PPP6R3: variants seen among roughly 807,000 people sequenced by gnomAD.
PPP6R3 encodes the protein serine/threonine-protein phosphatase 6 regulatory subunit 3.
PPP6R3 carries 38 observed loss-of-function variants against 110.7 expected under a neutral mutation model. The observed-to-expected ratio is 0.34, with a 90% CI of 0.26 to 0.45. The LOEUF (loss-of-function observed/expected upper bound fraction) is 0.45. Among genes scored for constraint, PPP6R3 ranks in the 20% least tolerant of loss-of-function variants. The probability of loss-of-function intolerance (pLI) is 1.00; values close to 1 mark genes in which losing one functional copy is unlikely to be tolerated. For missense variants in PPP6R3, 870 were observed against 1,062.4 expected, an observed-to-expected ratio of 0.82 and a Z score of 2.52; for synonymous variants, 369 against 373.5, an observed-to-expected ratio of 0.99 and a Z score of 0.14.
At chr11:68,509,874 C>T (rs192074913) in intron 1 of PPP6R3, among the ~76,000 whole-genome samples, 20 of 150,982 alleles carry the variant, frequency 1.3e-4, no homozygotes, top group African/African-American at 3.9e-4. Context: ...CTCTGCCTCC[C>T]GAGTAGCTGG....
chr11:68,542,911 C>G (rs1347742757), intron 3 of PPP6R3, among the ~76,000 whole-genome samples: 2 of 152,180 alleles, frequency 1.3e-5, no homozygotes, highest in African/African-American at 4.8e-5. Context: ...GCATTTGATT[C>G]ACAGCCAGGA....
chr11:68,528,881 C>T (rs889304498), intron 2 of PPP6R3, among the ~76,000 whole-genome samples: 4 of 152,176 alleles, frequency 2.6e-5, no homozygotes, highest in Non-Finnish European at 5.9e-5. Flanking sequence ...AAGTCCTCAG[C>T]CTCCAGGTGT....
chr11:68,588,775 T>C (rs935946321), intron 16 of PPP6R3, among the ~76,000 whole-genome samples: 2 of 142,152 alleles, frequency 1.4e-5, no homozygotes, highest in African/African-American at 2.6e-5. Context: ...AAAAAAAAAA[T>C]CACTGCAAGG....
chr11:68,463,649 A>C (rs1191390429), intron 1 of PPP6R3, among the ~76,000 whole-genome samples: 3 of 152,192 alleles, frequency 2.0e-5, no homozygotes, highest in Non-Finnish European at 2.9e-5. Flanking sequence ...CTTGGTCCTT[A>C]GAAGTTATGG....
At chr11:68,524,553 T>C (rs1036684359) in intron 2 of PPP6R3, among the ~76,000 whole-genome samples, 4 of 152,220 alleles carry the variant, frequency 2.6e-5, no homozygotes, top group Admixed American at 2.0e-4. Flanking sequence ...TATTAGAACT[T>C]TCTATTGGAC....
intron 1 of PPP6R3, 29 bp from the exon 2 acceptor site, chr11:68,519,472 G>A: frequency 2.5e-6 from 1 of 396,308 alleles, no homozygotes; most frequent in South Asian, 1.3e-4. Flanking sequence ...GAACATATGT[G>A]ATTATCTGCT....
At chr11:68,552,710 G>C (rs940656660) in intron 6 of PPP6R3, among the ~76,000 whole-genome samples, 1 of 152,194 alleles carries the variant, frequency 6.6e-6, no homozygotes, top group Admixed American at 6.5e-5. Context: ...GGCCTGCCCC[G>C]TTGACAGGGA....
At chr11:68,570,987 A>C in intron 11 of PPP6R3, 53 bp from the exon 12 acceptor site, 1 of 1,559,364 alleles carries the variant, frequency 6.4e-7, no homozygotes, top group Non-Finnish European at 8.6e-7. Context: ...GTTTCACTTT[A>C]AAGTTTTGAT....
chr11:68,596,313 A>G (rs1270891581), intron 19 of PPP6R3, 95 bp downstream of exon 19: 10 of 1,526,896 alleles, frequency 6.5e-6, no homozygotes, highest in Non-Finnish European at 9.0e-6. Context: ...CTGAGATGAT[A>G]TCTGAAGGAA....
At position 68,562,707 on chromosome 11, in the gene PPP6R3, T is replaced by A. The variant is rs1008903107; in HGVS notation, c.846-1596T>A. Among the ~76,000 whole-genome samples, 5 of 152,328 alleles carry A rather than the reference T, an allele frequency of 3.3e-5. No individual in the cohort carries two copies. The South Asian group carries it at 1.0e-3, about 32-fold the overall frequency. ...TCGTCCTGAATGGTTAGGTATTCTA[T>A]GCAGAACGTTGGACTTTGATATATA... On this transcript the variant is annotated intron_variant, in intron 8 of 23. Coordinates refer to ENST00000393800, the MANE Select transcript of PPP6R3 (RefSeq NM_001164161.2).
intron 14 of PPP6R3, among the ~76,000 whole-genome samples, chr11:68,579,642 A>C (rs2099545207): frequency 6.6e-6 from 1 of 152,252 alleles, no homozygotes; most frequent in Non-Finnish European, 1.5e-5. Flanking sequence ...AATGAGTAAG[A>C]GACACGTGTG....
chr11:68,614,032 G>C lies in PPP6R3; in HGVS notation c.*915G>C. On this transcript the variant is annotated 3_prime_UTR_variant, in exon 24 of 24. Coordinates refer to ENST00000393800, the MANE Select transcript of PPP6R3 (RefSeq NM_001164161.2). ...ACCAATGAACATTTCAGAGCAATCT[G>C]CATATTTAACAGACCTAAAATAAAT... The C allele has an allele frequency of 1.0e-6, 1 of 985,040 alleles. No homozygotes were observed. The highest frequency in any genetic ancestry group is 4.7e-5 in the South Asian group (1 of 21,274). The allele number at this position is 985,040 out of a possible 1,614,324, so 61.0% of individuals were successfully genotyped here.
In PPP6R3 at chr11:68,613,544, AC is replaced by A; in HGVS notation, c.*428del. 1 of 986,770 alleles carries A rather than the reference AC, an allele frequency of 1.0e-6. No individual in the cohort carries two copies. The highest frequency in any genetic ancestry group is 1.1e-4 in the East Asian group (1 of 8,852). 61.1% of individuals were successfully genotyped at this position (986,770 alleles called of 1,614,324 possible). Reference sequence around the variant, plus strand: ...GGTTTTCATACATTTTTCACCTTGTACAAAATTATGAATTCATTTTTCCTCC... The same window carrying A: ...GGTTTTCATACATTTTTCACCTTGTAAAAATTATGAATTCATTTTTCCTCC... On this transcript the variant is annotated 3_prime_UTR_variant, in exon 24 of 24. Transcript: ENST00000393800.
chr11:68,612,218 C>T (rs1042706622), intron 23 of PPP6R3, among the ~76,000 whole-genome samples: 3 of 152,176 alleles, frequency 2.0e-5, no homozygotes, highest in African/African-American at 7.2e-5. Context: ...GTCTCTCATA[C>T]ACGGAGCCAC....
intron 2 of PPP6R3, among the ~76,000 whole-genome samples, chr11:68,532,543 T>A (rs1461789639): frequency 6.6e-6 from 1 of 152,230 alleles, no homozygotes; most frequent in Admixed American, 6.5e-5. Context: ...TTGGAAGAAA[T>A]TATCCCTAAT....
intron 18 of PPP6R3, among the ~76,000 whole-genome samples, chr11:68,594,402 A>G (rs972552641): frequency 1.3e-4 from 20 of 151,570 alleles, no homozygotes; most frequent in African/African-American, 4.3e-4. Context: ...CATGCCTACA[A>G]TCCCAGCACT....
rs1025279501 is a variant in PPP6R3 at position 68,558,381 on chromosome 11, C to T, written c.732-185C>T. ...GAGTGAGTGTGTTTGTGTGCGGGTGCATGTGTGTAATTTATAAATAGGATC... is the reference window on the plus strand; with the variant it reads ...GAGTGAGTGTGTTTGTGTGCGGGTGTATGTGTGTAATTTATAAATAGGATC... On this transcript the variant is annotated intron_variant, in intron 7 of 23. Coordinates refer to ENST00000393800, the MANE Select transcript of PPP6R3 (RefSeq NM_001164161.2). 1.2e-5 allele frequency: 5 copies of T among 423,616 alleles called. No homozygotes were observed. The East Asian group carries it at 1.8e-4, about 15-fold the overall frequency. 26.2% of individuals were successfully genotyped at this position (423,616 alleles called of 1,614,324 possible).
At chr11:68,558,288 C>T (rs1290379284) in intron 7 of PPP6R3, 11 of 209,406 alleles carry the variant, frequency 5.3e-5, no homozygotes, top group South Asian at 8.8e-5. Context: ...TGTTGGCTCT[C>T]GACAAAATTG....
At chr11:68,601,390 G>T (rs1275328983) in intron 20 of PPP6R3, among the ~76,000 whole-genome samples, 1 of 152,148 alleles carries the variant, frequency 6.6e-6, no homozygotes, top group Non-Finnish European at 1.5e-5. Context: ...CAGGCATTTG[G>T]TGTTTTTTTA....
Sources: gnomAD v4.1 joint callset for allele counts (sites outside exome capture counted in the v4.1 genomes callset) on GRCh38, gnomAD v4.1.1 for gene constraint, MANE v1.5 for transcripts, NCBI Gene and HGNC (gene_info 2026-07-23, HGNC 2026-07-21) for gene names.